Variants in TENT4B observed in about 807,000 individuals in gnomAD.
TENT4B encodes the protein PAP associated domain containing 5.
In TENT4B, 10 loss-of-function variants were observed where a neutral mutation model predicts 75.0. The ratio of observed to expected loss-of-function variants is 0.13; its 90% CI spans 0.08 to 0.23. The LOEUF is 0.23. Among genes scored for constraint, TENT4B ranks in the 10% least tolerant of loss-of-function variants. The pLI is 1.00. For synonymous variants in TENT4B, 350 were observed against 357.7 expected (o/e 0.98, Z 0.24); for missense variants, 579 against 893.8 (o/e 0.65, Z 4.49).
intron 1 of TENT4B, among the ~76,000 whole-genome samples, chr16:50,187,155 A>G (rs1460780877): frequency 2.0e-5 from 3 of 152,198 alleles, no homozygotes; most frequent in Non-Finnish European, 2.9e-5. Flanking sequence ...GGTGTCATAT[A>G]TCTAAGAGAC....
chr16:50,161,474 C>T (rs1227840407), intron 1 of TENT4B, among the ~76,000 whole-genome samples: 1 of 152,082 alleles, frequency 6.6e-6, no homozygotes, highest in Non-Finnish European at 1.5e-5. Context: ...TCAAGTCATG[C>T]TTTTTGCTGA....
rs1343151774 is a variant in TENT4B at position 50,232,362 on chromosome 16, ACTTTAC to A, written c.*3041_*3046del. ...TTTATTTTTATCCTGTTTTGAGTGTACTTTACCTTTACTTGCATTTTGAGCCTCATT... is the reference window on the plus strand; with the variant it reads ...TTTATTTTTATCCTGTTTTGAGTGTACTTTACTTGCATTTTGAGCCTCATT... On this transcript the variant is annotated 3_prime_UTR_variant, in exon 12 of 12. Coordinates refer to ENST00000561678, the MANE Select transcript of TENT4B (RefSeq NM_001365324.3). 1.6e-4 allele frequency: 155 copies of A among 985,216 alleles called. No individual in the cohort carries two copies. The highest frequency in any genetic ancestry group is 1.8e-4 in the Non-Finnish European group (149 of 829,902). 61.0% of individuals were successfully genotyped at this position (985,216 alleles called of 1,614,324 possible).
rs545567361 is a variant in TENT4B, at chr16:50,188,895, T to A, written c.639-22428T>A. On this transcript the variant is annotated intron_variant, in intron 1 of 11. Coordinates refer to ENST00000561678, the MANE Select transcript of TENT4B (RefSeq NM_001365324.3). ...TTTTTAAAAAACAAAACAAGATACATGCTGACATTTCTGGTTTGGCAGGCA... is the reference window on the plus strand; with the variant it reads ...TTTTTAAAAAACAAAACAAGATACAAGCTGACATTTCTGGTTTGGCAGGCA... Among the ~76,000 whole-genome samples, 7 of 152,286 alleles carry A rather than the reference T, an allele frequency of 4.6e-5. No individual in the cohort carries two copies. The South Asian group carries it at 1.5e-3, about 32-fold the overall frequency.
chr16:50,222,646 C>T (rs1419861200), intron 6 of TENT4B, among the ~76,000 whole-genome samples: 1 of 152,040 alleles, frequency 6.6e-6, no homozygotes, highest in African/African-American at 2.4e-5. Flanking sequence ...GTTTTAAATC[C>T]CATACATTCT....
chr16:50,222,202 A>G (rs1269501112), intron 5 of TENT4B, 104 bp from the exon 6 acceptor site: 2 of 1,070,960 alleles, frequency 1.9e-6, no homozygotes, highest in Admixed American at 3.0e-5. Flanking sequence ...TATGTTGTAT[A>G]TCTCTACCAA....
intron 1 of TENT4B, among the ~76,000 whole-genome samples, chr16:50,197,725 A>AG (rs2030366309): frequency 6.6e-6 from 1 of 152,216 alleles, no homozygotes; most frequent in Non-Finnish European, 1.5e-5. Context: ...CGAAAACGGA[A>AG]GTGAGGTACA....
rs191266427 is a variant in TENT4B, at chr16:50,228,998, G to C, written c.1966-154G>C. Among the ~76,000 whole-genome samples, 54 of 152,190 alleles carry C rather than the reference G, an allele frequency of 3.5e-4. No homozygotes were observed. In the East Asian group the frequency reaches 8.1e-3, roughly 23 times the overall value. ...AGAGCTAAAAAGAACCCCTGTAACAGCTTTTTCTGCCCACTAGATAAGTCA... is the reference window on the plus strand; with the variant it reads ...AGAGCTAAAAAGAACCCCTGTAACACCTTTTTCTGCCCACTAGATAAGTCA... On this transcript the variant is annotated intron_variant, in intron 11 of 11. Coordinates refer to ENST00000561678, the MANE Select transcript of TENT4B (RefSeq NM_001365324.3).
chr16:50,223,202 C>G lies in TENT4B; in HGVS notation c.1196C>G (p.Pro399Arg). ...CATCCCAGGGAAGATGCTTGCATCC[C>G]CAATACAAACTATGGTGTTCTCTTA... ...QLHPREDACI[P>R]NTNYGVLLIE... is the part of the protein sequence containing the mutation. Residue 399 changes from proline (P) to arginine (R), a missense_variant, in exon 7 of 12, where the codon CCC becomes CGC. Transcript: ENST00000561678. 6.2e-7 allele frequency: 1 copy of G among 1,611,986 alleles called. No homozygotes were observed. Among genetic ancestry groups the G allele is most frequent in the Non-Finnish European group, 8.5e-7 (1 of 1,178,804 alleles).
intron 1 of TENT4B, among the ~76,000 whole-genome samples, chr16:50,165,947 A>G (rs964664401): frequency 2.0e-5 from 3 of 152,292 alleles, no homozygotes; most frequent in African/African-American, 7.2e-5. Context: ...TAAGTGAGGA[A>G]TTCCTGGGTC....
At position 50,231,946 on chromosome 16, in the gene TENT4B, T is replaced by C; in HGVS notation, c.*2618T>C. 1.0e-6 allele frequency: 1 copy of C among 980,366 alleles called. No homozygotes were observed. The highest frequency in any genetic ancestry group is 1.2e-6 in the Non-Finnish European group (1 of 825,264). The allele number at this position is 980,366 out of a possible 1,614,324, so 60.7% of individuals were successfully genotyped here. A position where few individuals can be genotyped will look rare whatever the true frequency, so the allele number is the denominator to read the frequency against. ...ATATATCAGAAATGTGTCATTTATA[T>C]ATTAGAGTCCATTCATATCCATGAA... On this transcript the variant is annotated 3_prime_UTR_variant, in exon 12 of 12. Transcript: ENST00000561678.
rs2032317337 is a variant in TENT4B, at chr16:50,232,214, CT to C, written c.*2887del. ...AGCTTTAAGGTGACTGTGAAGGTGC[CT>C]GGTTTTGAATGTCTTTGTTTGGTTT... is the stretch of plus-strand genomic sequence containing the variant. On this transcript the variant is annotated 3_prime_UTR_variant, in exon 12 of 12. Transcript: ENST00000561678. 1.0e-6 allele frequency: 1 copy of C among 984,890 alleles called. No homozygotes were observed. Among genetic ancestry groups the C allele is most frequent in the African/African-American group, 1.7e-5 (1 of 57,174 alleles). 61.0% of individuals were successfully genotyped at this position (984,890 alleles called of 1,614,324 possible).
At chr16:50,170,130 C>T (rs2038177593) in intron 1 of TENT4B, among the ~76,000 whole-genome samples, 1 of 151,988 alleles carries the variant, frequency 6.6e-6, no homozygotes. Flanking sequence ...CCGCTCACTG[C>T]AACCTCAGCC....
At position 50,235,123 on chromosome 16, in the gene TENT4B, T is replaced by G. The variant is rs1025938396; in HGVS notation, c.*5795T>G. On this transcript the variant is annotated 3_prime_UTR_variant, in exon 12 of 12. Transcript: ENST00000561678. The stretch of plus-strand genomic sequence containing the variant: ...TCACTGGGCAACCAGTGATGAAAAC[T>G]ATGAATGAATTGCACACCTGGAAGA... The G allele has an allele frequency of 3.9e-6, 3 of 767,216 alleles. No individual in the cohort carries two copies. Among genetic ancestry groups the G allele is most frequent in the East Asian group, 1.3e-4 (1 of 7,812 alleles). 47.5% of individuals were successfully genotyped at this position (767,216 alleles called of 1,614,324 possible).
intron 1 of TENT4B, among the ~76,000 whole-genome samples, chr16:50,183,959 T>C (rs993616169): frequency 3.9e-5 from 6 of 152,174 alleles, no homozygotes; most frequent in Admixed American, 1.3e-4. Flanking sequence ...TTTTAATGTA[T>C]TCCTAGAGTT....
intron 1 of TENT4B, among the ~76,000 whole-genome samples, chr16:50,198,702 G>T (rs2030441467): frequency 6.6e-6 from 1 of 152,166 alleles, no homozygotes; most frequent in Non-Finnish European, 1.5e-5. Context: ...GGAAGAATAA[G>T]CAGGCAAGAA....
chr16:50,182,850 T>A (rs939467483), intron 1 of TENT4B, among the ~76,000 whole-genome samples: 11 of 144,266 alleles, frequency 7.6e-5, no homozygotes, highest in African/African-American at 2.8e-4. Flanking sequence ...GGAAAACTTT[T>A]AACACTCAAG....
In TENT4B at chr16:50,153,386, C is replaced by CGGAGGGAGGGGG; in HGVS notation, c.-229_-218dup. On this transcript the variant is annotated 5_prime_UTR_variant, in exon 1 of 12. Coordinates refer to ENST00000561678, the MANE Select transcript of TENT4B (RefSeq NM_001365324.3). ...GGGGCTCGGCGGAGGGGCGGAGGGGCGGAGGGAGGGGGGGAGGGCCCGCGG... is the reference window on the plus strand; with the variant it reads ...GGGGCTCGGCGGAGGGGCGGAGGGGCGGAGGGAGGGGGGGAGGGAGGGGGGGAGGGCCCGCGG... Among the ~76,000 whole-genome samples, 1 of 16,770 alleles carries CGGAGGGAGGGGG rather than the reference C, an allele frequency of 6.0e-5. No individual in the cohort carries two copies. Among genetic ancestry groups the CGGAGGGAGGGGG allele is most frequent in the African/African-American group, 2.2e-4 (1 of 4,466 alleles). 11.0% of individuals were successfully genotyped at this position (16,770 alleles called of 152,430 possible).
chr16:50,192,599 G>A (rs954027899), intron 1 of TENT4B, among the ~76,000 whole-genome samples: 3 of 152,118 alleles, frequency 2.0e-5, no homozygotes, highest in African/African-American at 7.2e-5. Context: ...GACTTTTCCT[G>A]TAAAGATAGT....
chr16:50,153,490 G>C lies in TENT4B; in HGVS notation c.-132G>C, dbSNP rs1460926232. The C allele has an allele frequency of 2.1e-6, 2 of 952,290 alleles. No individual in the cohort carries two copies. The highest frequency in any genetic ancestry group is 6.4e-5 in the Admixed American group (1 of 15,576). The allele number at this position is 952,290 out of a possible 1,614,324, so 59.0% of individuals were successfully genotyped here. On this transcript the variant is annotated 5_prime_UTR_variant, in exon 1 of 12. Coordinates refer to ENST00000561678, the MANE Select transcript of TENT4B (RefSeq NM_001365324.3). ...CCGCGCCGCCCGCGGCGGGCCCCGA[G>C]CAGCAGCAGCAGCAGCAGCGGCAGC...
Sources: gnomAD v4.1 joint callset for allele counts (sites outside exome capture counted in the v4.1 genomes callset) on GRCh38, gnomAD v4.1.1 for gene constraint, MANE v1.5 for transcripts, NCBI Gene and HGNC (gene_info 2026-07-23, HGNC 2026-07-21) for gene names.